Variants in ADGRB1 observed in about 807,000 individuals in gnomAD.
The protein encoded by ADGRB1 is adhesion G protein-coupled receptor B1.
In ADGRB1, 36 loss-of-function variants were observed where a neutral mutation model predicts 175.7. The ratio of observed to expected loss-of-function variants is 0.20; its 90% CI spans 0.16 to 0.27. ADGRB1 has a LOEUF of 0.27. Among genes scored for constraint, ADGRB1 ranks in the 10% least tolerant of loss-of-function variants. The pLI is 1.00. For missense variants in ADGRB1, 1,731 were observed against 2,255.3 expected, an observed-to-expected ratio of 0.77 and a Z score of 4.71; for synonymous variants, 1,054 against 979.4, an observed-to-expected ratio of 1.08 and a Z score of -1.42.
chr8:142,496,411 G>A (rs1270866094), intron 17 of ADGRB1, among the ~76,000 whole-genome samples: 2 of 152,002 alleles, frequency 1.3e-5, no homozygotes, highest in Non-Finnish European at 2.9e-5. Flanking sequence ...TGGAGGTATG[G>A]ACGGCTGGGT....
chr8:142,499,903 G>A (rs1842406966), intron 17 of ADGRB1, among the ~76,000 whole-genome samples: 1 of 123,910 alleles, frequency 8.1e-6, no homozygotes, highest in South Asian at 3.1e-4. Flanking sequence ...TCAGAATGGG[G>A]TCACAGCAGG....
intron 13 of ADGRB1, among the ~76,000 whole-genome samples, chr8:142,486,194 C>A (rs538258680): frequency 6.6e-6 from 1 of 152,304 alleles, no homozygotes; most frequent in South Asian, 2.1e-4. Flanking sequence ...TCTGCCCAGG[C>A]CCCCACCCCT....
chr8:142,520,096 T>A (rs9801882), intron 19 of ADGRB1, among the ~76,000 whole-genome samples: 1,347 of 133,852 alleles, frequency 0.01, no homozygotes, highest in Middle Eastern at 0.036. Context: ...CTGTGTTGGT[T>A]ATGGTGATAG....
intron 18 of ADGRB1, among the ~76,000 whole-genome samples, chr8:142,515,721 G>C (rs892715910): frequency 5.3e-5 from 8 of 152,068 alleles, no homozygotes; most frequent in Non-Finnish European, 2.9e-5. Context: ...GATGAGCCAG[G>C]CTGGGAGGGA....
At chr8:142,501,329 C>T (rs1279817414) in intron 17 of ADGRB1, among the ~76,000 whole-genome samples, 2 of 117,458 alleles carry the variant, frequency 1.7e-5, no homozygotes, top group Non-Finnish European at 3.6e-5. Context: ...TTGATGATGA[C>T]GGTGGTGGTG....
rs1442055437 is a variant in ADGRB1, at chr8:142,516,357, CGT to C, written c.2818-1775_2818-1774del. 6.1e-5 allele frequency among the ~76,000 whole-genome samples: 7 copies of C among 114,574 alleles called. No individual in the cohort carries two copies. In the South Asian group the frequency reaches 9.1e-4, roughly 15 times the overall value. 75.2% of individuals were successfully genotyped at this position (114,574 alleles called of 152,430 possible). On this transcript the variant is annotated intron_variant, in intron 18 of 30. Coordinates refer to ENST00000517894, the MANE Select transcript of ADGRB1 (RefSeq NM_001702.3). ...CGTGTGTGCGGGCCCCAGGTGCGTG[CGT>C]GTGTGCGGGCCCCAGGTGCGTGCGT...
Position 142,455,943 on chromosome 8 carries a change from G to T in ADGRB1, c.-220+5839G>T, listed in dbSNP as rs573533499. Among the ~76,000 whole-genome samples the T allele has an allele frequency of 9.2e-5, 14 of 152,268 alleles. No individual in the cohort carries two copies. Among genetic ancestry groups the T allele is most frequent in the Admixed American group, 5.2e-4 (8 of 15,308 alleles). ...GCCCTACCTGCCTGTCCCGGAGAGTGCCAGAGCGTCCAGGGTAGCGCCTGT... is the reference window on the plus strand; with the variant it reads ...GCCCTACCTGCCTGTCCCGGAGAGTTCCAGAGCGTCCAGGGTAGCGCCTGT... On this transcript the variant is annotated intron_variant, in intron 1 of 30. Transcript: ENST00000517894. The surrounding 1 kb of genome is among the most constrained non-coding windows in gnomAD (Gnocchi z 4.9).
At position 142,537,820 on chromosome 8, in the gene ADGRB1, A is replaced by T. The variant is rs569495383; in HGVS notation, c.3666+738A>T. Among the ~76,000 whole-genome samples, 2 of 151,768 alleles carry T rather than the reference A, an allele frequency of 1.3e-5. No homozygotes were observed. The highest frequency in any genetic ancestry group is 4.8e-5 in the African/African-American group (2 of 41,302). ...CCCAACAGCCCCCTGTGGAGCCTCA[A>T]CTCTTCCACACCTCGACCTCAGCAT... On this transcript the variant is annotated intron_variant, in intron 26 of 30. Coordinates refer to ENST00000517894, the MANE Select transcript of ADGRB1 (RefSeq NM_001702.3). This position sits in a 1 kb window ranked among gnomAD's most constrained non-coding sequence, Gnocchi z 4.6.
intron 13 of ADGRB1, among the ~76,000 whole-genome samples, chr8:142,487,522 A>G (rs1841732814): frequency 2.0e-5 from 3 of 152,116 alleles, no homozygotes; most frequent in Admixed American, 1.3e-4. Flanking sequence ...ACTGATGCGC[A>G]TGCCCTCTCC....
At chr8:142,457,897 G>A (rs1839767308) in intron 1 of ADGRB1, among the ~76,000 whole-genome samples, 1 of 152,218 alleles carries the variant, frequency 6.6e-6, no homozygotes, top group African/African-American at 2.4e-5. Context: ...CTCTGCTTCC[G>A]GTACCAGGCC....
intron 25 of ADGRB1, among the ~76,000 whole-genome samples, chr8:142,534,848 G>T (rs1190878030): frequency 6.6e-6 from 1 of 152,232 alleles, no homozygotes; most frequent in Non-Finnish European, 1.5e-5. Context: ...TCCCAGCAAT[G>T]AACTCGTGTT....
At chr8:142,521,697 C>T (rs1467534975) in intron 20 of ADGRB1, among the ~76,000 whole-genome samples, 1 of 152,200 alleles carries the variant, frequency 6.6e-6, no homozygotes. Context: ...TTGAGAAGGC[C>T]CCTGGCTTAG....
At chr8:142,467,886 G>A in intron 2 of ADGRB1, among the ~76,000 whole-genome samples, 1 of 152,246 alleles carries the variant, frequency 6.6e-6, no homozygotes, top group East Asian at 1.9e-4. Context: ...CGATGTTGAC[G>A]ATGAAATATC....
chr8:142,511,199 C>A lies in ADGRB1; in HGVS notation c.2817+126C>A. 1.2e-6 allele frequency: 1 copy of A among 814,148 alleles called. No individual in the cohort carries two copies. The highest frequency in any genetic ancestry group is 1.5e-6 in the Non-Finnish European group (1 of 668,254). 50.4% of individuals were successfully genotyped at this position (814,148 alleles called of 1,614,324 possible). A position where few individuals can be genotyped will look rare whatever the true frequency, so the allele number is the denominator to read the frequency against. On this transcript the variant is annotated intron_variant, in intron 18 of 30. Transcript: ENST00000517894. This position sits in a 1 kb window ranked among gnomAD's most constrained non-coding sequence, Gnocchi z 4.5. ...CCGGAGGGGTCGCTGTGGCCCGCAG[C>A]CGCCGTGGCCTGGCCCGGCCGGCGG...
chr8:142,527,591 C>G (rs1466318008), intron 24 of ADGRB1, among the ~76,000 whole-genome samples: 2 of 152,090 alleles, frequency 1.3e-5, no homozygotes, highest in Non-Finnish European at 2.9e-5. Flanking sequence ...GCTTTGTCTC[C>G]TGGCCTGGGA....
At position 142,511,913 on chromosome 8, in the gene ADGRB1, G is replaced by A; in HGVS notation, c.2817+840G>A. Among the ~76,000 whole-genome samples the A allele has an allele frequency of 6.6e-6, 1 of 152,194 alleles. No individual in the cohort carries two copies. Among genetic ancestry groups the A allele is most frequent in the East Asian group, 1.9e-4 (1 of 5,192 alleles). ...TGGAAGCCTGGGAGGCAGCAGGGGT[G>A]GAGGATGCACTTGGAGGGGACCTGT... On this transcript the variant is annotated intron_variant, in intron 18 of 30. Transcript: ENST00000517894. This position sits in a 1 kb window ranked among gnomAD's most constrained non-coding sequence, Gnocchi z 4.5.
At chr8:142,531,271 A>C (rs1844606550) in intron 24 of ADGRB1, among the ~76,000 whole-genome samples, 1 of 152,232 alleles carries the variant, frequency 6.6e-6, no homozygotes, top group Admixed American at 6.5e-5. Flanking sequence ...GCTCTGTGTC[A>C]GTGAGTGTTT....
At chr8:142,479,300 C>T in intron 7 of ADGRB1, 23 bp from the exon 8 acceptor site, 3 of 1,471,224 alleles carry the variant, frequency 2.0e-6, no homozygotes, top group Non-Finnish European at 2.7e-6. Context: ...CGCCTGTGCC[C>T]TGTGTCTGGC....
At chr8:142,501,477 T>C (rs1376554077) in intron 17 of ADGRB1, among the ~76,000 whole-genome samples, 3 of 97,062 alleles carry the variant, frequency 3.1e-5, no homozygotes, top group African/African-American at 1.1e-4. Flanking sequence ...GTGGTGGTGG[T>C]GATGATGGGG....
Sources: allele counts gnomAD v4.1 joint callset (sites outside exome capture counted in the v4.1 genomes callset), GRCh38; gene constraint gnomAD v4.1.1; non-coding constraint Gnocchi (gnomAD v3.1); transcripts MANE v1.5; gene names NCBI Gene and HGNC (gene_info 2026-07-23, HGNC 2026-07-21).